MEIG1: variants seen among roughly 807,000 people sequenced by gnomAD.
MEIG1 encodes meiosis expressed gene 1 protein homolog.
In MEIG1, 12 loss-of-function variants were observed where a neutral mutation model predicts 11.3. That is an observed-to-expected ratio of 1.07 (90% CI 0.68 to 1.73). MEIG1 has a LOEUF of 1.73. Among genes scored for constraint, MEIG1 ranks in the 40% most tolerant of loss-of-function variants. The pLI is 0.00. For synonymous variants in MEIG1, 41 were observed against 33.2 expected (o/e 1.24, Z -0.81); for missense variants, 119 against 104.9 (o/e 1.13, Z -0.59).
At chr10:14,972,898 CT>C (rs1432476390), downstream of MEIG1, 3 of 294,158 alleles carry the variant, frequency 1.0e-5, no homozygotes, top group Middle Eastern at 1.1e-3. Context: ...CAGAGTCTCG[CT>C]CTGTCGCCCA....
intron 2 of MEIG1, among the ~76,000 whole-genome samples, chr10:14,967,717 C>T (rs1843103370): frequency 1.3e-5 from 2 of 152,184 alleles, no homozygotes; most frequent in Admixed American, 1.3e-4. Flanking sequence ...TTTTGACTCC[C>T]CAAAACAACT....
chr10:14,987,202 C>G lies in MEIG1; in HGVS notation n.285+188C>G, dbSNP rs996473312. 4 of 975,786 alleles carry G rather than the reference C, an allele frequency of 4.1e-6. No individual in the cohort carries two copies. The East Asian group carries it at 1.2e-4, about 29-fold the overall frequency. 60.4% of individuals were successfully genotyped at this position (975,786 alleles called of 1,614,324 possible). ...GCATGTCCACAGTCACCTTGGGAACCGTGGCCGAAGTGAACCCGATGTCAG... is the reference window on the plus strand; with the variant it reads ...GCATGTCCACAGTCACCTTGGGAACGGTGGCCGAAGTGAACCCGATGTCAG... On this transcript the variant is annotated intron_variant and non_coding_transcript_variant, in intron 2 of 2. Transcript: ENST00000467536.
chr10:14,955,230 C>T (rs1342246319), upstream of MEIG1, among the ~76,000 whole-genome samples: 1 of 152,214 alleles, frequency 6.6e-6, no homozygotes, highest in Non-Finnish European at 1.5e-5. Context: ...CTTTCCAGGC[C>T]TCCATAACAC....
chr10:14,986,549 C>T (rs1025963383), intron 1 of MEIG1, among the ~76,000 whole-genome samples: 6 of 152,256 alleles, frequency 3.9e-5, no homozygotes, highest in African/African-American at 1.4e-4. Flanking sequence ...CATTCCCCAT[C>T]CCATCCCTTT....
intron 2 of MEIG1, among the ~76,000 whole-genome samples, chr10:14,968,527 T>C (rs952755902): frequency 6.6e-6 from 1 of 151,934 alleles, no homozygotes. Context: ...ATTTTAAAAG[T>C]ACATAGGAAA....
intron 2 of MEIG1, 86 bp downstream of exon 2, chr10:14,966,692 G>A (rs1260449199): frequency 7.8e-7 from 1 of 1,274,338 alleles, no homozygotes; most frequent in Admixed American, 2.5e-5. Flanking sequence ...GAGAATAACT[G>A]AAGGAAATTC....
chr10:14,979,649 T>C (rs1044215542), intron 1 of MEIG1, among the ~76,000 whole-genome samples: 2 of 151,854 alleles, frequency 1.3e-5, no homozygotes, highest in Admixed American at 6.6e-5. Flanking sequence ...TAATGTCACA[T>C]GGGGTGTACA....
At chr10:14,963,495 TG>T (rs1282360501) in intron 1 of MEIG1, among the ~76,000 whole-genome samples, 3 of 152,212 alleles carry the variant, frequency 2.0e-5, no homozygotes, top group African/African-American at 7.2e-5. Context: ...ATTCTTAGGC[TG>T]TATCACATGT....
chr10:14,971,364 C>G (rs1445128921), intron 2 of MEIG1, among the ~76,000 whole-genome samples: 3 of 55,124 alleles, frequency 5.4e-5, no homozygotes, highest in African/African-American at 3.5e-4. Context: ...GACCCTGTCT[C>G]TACAAAAAAA....
chr10:14,983,228 A>G (rs1843283098), intron 1 of MEIG1, among the ~76,000 whole-genome samples: 2 of 152,184 alleles, frequency 1.3e-5, no homozygotes, highest in Non-Finnish European at 2.9e-5. Context: ...CCAAGATAGC[A>G]CTGGGTGTGC....
At chr10:14,956,611 C>T (rs554572801), upstream of MEIG1, among the ~76,000 whole-genome samples, 83 of 152,204 alleles carry the variant, frequency 5.5e-4, no homozygotes, top group African/African-American at 1.9e-3. Flanking sequence ...AAAAACACAA[C>T]ACTCAAGAAG....
chr10:14,960,617 A>C (rs1030030759), intron 1 of MEIG1, among the ~76,000 whole-genome samples: 1 of 151,778 alleles, frequency 6.6e-6, no homozygotes, highest in African/African-American at 2.4e-5. Context: ...ACGGGGTTTC[A>C]CTTTGTTGGC....
chr10:14,986,717 C>T (rs1843322123), intron 1 of MEIG1: 3 of 301,876 alleles, frequency 9.9e-6, no homozygotes, highest in South Asian at 9.3e-5. Context: ...TCAAGCGCTT[C>T]TTGGGCCTCG....
chr10:14,982,977 A>G (rs549283838), intron 1 of MEIG1, among the ~76,000 whole-genome samples: 66 of 152,234 alleles, frequency 4.3e-4, no homozygotes, highest in African/African-American at 1.6e-3. Flanking sequence ...TTTATGAGCA[A>G]TTATTTCTTA....
In MEIG1 at chr10:14,983,813, T is replaced by A. The variant is rs376808329; in HGVS notation, n.67-2983T>A. Among the ~76,000 whole-genome samples, 14 of 150,206 alleles carry A rather than the reference T, an allele frequency of 9.3e-5. No homozygotes were observed. In the East Asian group the frequency reaches 1.2e-3, roughly 13 times the overall value. ...TCCTTAATATTCCAAGGGGGAGAGGTTGACCCTCCTCCCAATAGCACAGAA... is the reference window on the plus strand; with the variant it reads ...TCCTTAATATTCCAAGGGGGAGAGGATGACCCTCCTCCCAATAGCACAGAA... On this transcript the variant is annotated intron_variant and non_coding_transcript_variant, in intron 1 of 2. Transcript: ENST00000467536.
At chr10:14,977,826 G>T (rs528493339), downstream of MEIG1, among the ~76,000 whole-genome samples, 3 of 151,972 alleles carry the variant, frequency 2.0e-5, no homozygotes, top group South Asian at 6.2e-4. Flanking sequence ...TCTGTGATAT[G>T]ATAGCTCATA....
chr10:14,973,152 C>T (rs1019351809), downstream of MEIG1, among the ~76,000 whole-genome samples: 1 of 152,164 alleles, frequency 6.6e-6, no homozygotes, highest in Admixed American at 6.5e-5. Flanking sequence ...AGGTGTGAGC[C>T]ACCACACCTG....
chr10:14,976,452 G>T (rs1843210989), downstream of MEIG1, among the ~76,000 whole-genome samples: 1 of 151,904 alleles, frequency 6.6e-6, no homozygotes, highest in East Asian at 1.9e-4. Context: ...TTGTCACACG[G>T]GCTATGTTCG....
chr10:14,973,292 T>TGC (rs1564507128), downstream of MEIG1, among the ~76,000 whole-genome samples: 11 of 151,524 alleles, frequency 7.3e-5, no homozygotes, highest in Non-Finnish European at 1.5e-4. Context: ...CCTATACCCA[T>TGC]TCCTGGCATT....
Sources: gnomAD v4.1 joint callset for allele counts (sites outside exome capture counted in the v4.1 genomes callset) on GRCh38, gnomAD v4.1.1 for gene constraint, MANE v1.5 for transcripts, NCBI Gene and HGNC (gene_info 2026-07-23, HGNC 2026-07-21) for gene names.